Variants in ADARB2 observed in about 807,000 individuals in gnomAD.
ADARB2 encodes adenosine deaminase RNA specific B2 (inactive).
A neutral mutation model predicts 62.2 loss-of-function variants in ADARB2; 25 were observed. That is an observed-to-expected ratio of 0.40 (90% CI 0.29 to 0.56). The LOEUF (loss-of-function observed/expected upper bound fraction) is 0.56. ADARB2 is among the 20% of genes least tolerant of loss of function. The probability of loss-of-function intolerance (pLI) is 0.43; values close to 1 mark genes in which losing one functional copy is unlikely to be tolerated. For missense variants in ADARB2, 1,071 were observed against 1,077.4 expected, an observed-to-expected ratio of 0.99 and a Z score of 0.08; for synonymous variants, 572 against 500.8, an observed-to-expected ratio of 1.14 and a Z score of -1.90.
intron 7 of ADARB2, among the ~76,000 whole-genome samples, chr10:1,210,079 A>G (rs2131748432): frequency 6.6e-6 from 1 of 152,306 alleles, no homozygotes; most frequent in East Asian, 1.9e-4. Flanking sequence ...ATTGGTCCTA[A>G]AGGTGATGCC....
At chr10:1,402,097 G>A (rs1295191877) in intron 1 of ADARB2, among the ~76,000 whole-genome samples, 1 of 152,142 alleles carries the variant, frequency 6.6e-6, no homozygotes, top group Non-Finnish European at 1.5e-5. Context: ...GCTGACATCT[G>A]GGGTGTCATG....
chr10:1,624,409 C>T (rs1213656102), intron 1 of ADARB2, among the ~76,000 whole-genome samples: 1 of 152,174 alleles, frequency 6.6e-6, no homozygotes, highest in Non-Finnish European at 1.5e-5. Context: ...GGTCTCCTAC[C>T]CGTGGCTCCG....
At chr10:1,333,259 G>T (rs1831945499) in intron 3 of ADARB2, among the ~76,000 whole-genome samples, 1 of 152,118 alleles carries the variant, frequency 6.6e-6, no homozygotes, top group African/African-American at 2.4e-5. Flanking sequence ...CAATCTTTAG[G>T]CACCTAGTGA....
intron 1 of ADARB2, among the ~76,000 whole-genome samples, chr10:1,459,220 G>A (rs1455137698): frequency 1.3e-5 from 2 of 151,918 alleles, no homozygotes; most frequent in African/African-American, 2.4e-5. Context: ...AAAGACGTAC[G>A]CACGTGTATG....
intron 3 of ADARB2, among the ~76,000 whole-genome samples, chr10:1,274,250 TGGCCATGGCAGCCTGGG>T (rs1417368794): frequency 6.6e-6 from 1 of 152,340 alleles, no homozygotes; most frequent in Non-Finnish European, 1.5e-5. Flanking sequence ...GCTCAGGCAG[TGGCCATGGCAGCCTGGG>T]GGCCACATCT....
Position 1,516,513 on chromosome 10 carries a change from G to GCTGCTCTGTGCTGTGTGGGCTGCT in ADARB2, c.101-137377_101-137354dup, listed in dbSNP as rs547288987. ...GTGCTATGCGGGCTGCTCTGTGCGGGCTGCTCTGTGCTGTGTGGGCTGCTC... is the reference window on the plus strand; with the variant it reads ...GTGCTATGCGGGCTGCTCTGTGCGGGCTGCTCTGTGCTGTGTGGGCTGCTCTGCTCTGTGCTGTGTGGGCTGCTC... On this transcript the variant is annotated intron_variant, in intron 1 of 9. Transcript: ENST00000381312. 5.8e-4 allele frequency among the ~76,000 whole-genome samples: 88 copies of GCTGCTCTGTGCTGTGTGGGCTGCT among 151,874 alleles called. No individual in the cohort carries two copies. The South Asian group carries it at 0.016, about 28-fold the overall frequency.
chr10:1,445,947 C>G (rs1830963216), intron 1 of ADARB2, among the ~76,000 whole-genome samples: 1 of 152,170 alleles, frequency 6.6e-6, no homozygotes, highest in East Asian at 1.9e-4. Flanking sequence ...AAATCCGTAG[C>G]TTTTCTTTCG....
At chr10:1,508,016 C>T (rs1212025945) in intron 1 of ADARB2, among the ~76,000 whole-genome samples, 1 of 152,136 alleles carries the variant, frequency 6.6e-6, no homozygotes, top group Non-Finnish European at 1.5e-5. Context: ...ACTGTGTGAC[C>T]TTGGGGAAAC....
intron 5 of ADARB2, among the ~76,000 whole-genome samples, chr10:1,241,763 G>A (rs1369174907): frequency 6.6e-6 from 1 of 152,218 alleles, no homozygotes; most frequent in African/African-American, 2.4e-5. Flanking sequence ...CACCCCTTGG[G>A]CACTGCACTC....
chr10:1,565,010 G>A (rs1159514963), intron 1 of ADARB2, among the ~76,000 whole-genome samples: 1 of 152,170 alleles, frequency 6.6e-6, no homozygotes, highest in Non-Finnish European at 1.5e-5. Context: ...GGGGGCCGAC[G>A]TGCAGCAGCA....
chr10:1,445,657 T>C (rs1588260739), intron 1 of ADARB2, among the ~76,000 whole-genome samples: 1 of 152,276 alleles, frequency 6.6e-6, no homozygotes, highest in East Asian at 1.9e-4. Context: ...TAAAAACTTA[T>C]TTTTTAGTTG....
rs575029029 is a variant in ADARB2 at position 1,554,122 on chromosome 10, C to T, written c.101-174962G>A. Among the ~76,000 whole-genome samples the T allele has an allele frequency of 2.6e-4, 40 of 152,284 alleles. No homozygotes were observed. In the East Asian group the frequency reaches 7.8e-3, roughly 30 times the overall value. On this transcript the variant is annotated intron_variant, in intron 1 of 9. Transcript: ENST00000381312. ...GGGTCCCCCAGGCTCATCTCAGCGG[C>T]CCTATTTCTCTTTCCCCACCCATCT...
At position 1,183,271 on chromosome 10, in the gene ADARB2, G is replaced by T. The variant is rs560367404; in HGVS notation, c.2142C>A (p.Phe714Leu). The T allele has an allele frequency of 2.5e-6, 4 of 1,614,172 alleles. No homozygotes were observed. The highest frequency in any genetic ancestry group is 3.4e-6 in the Non-Finnish European group (4 of 1,180,038). The part of the protein sequence containing the change: ...HTYQSVKQQL[F>L]KAFQKAGLGT... ...CCAGGCCAGCCTTCTGAAAGGCCTT[G>T]AACAGCTGCTGTTTCACAGACTGGT... Residue 714 changes from phenylalanine (F) to leucine (L), a missense_variant, in exon 10 of 10, where the codon TTC becomes TTA. Phe to Leu is a conservative substitution (Grantham distance 22, BLOSUM62 0). Coordinates refer to ENST00000381312, the MANE Select transcript of ADARB2 (RefSeq NM_018702.4).
chr10:1,203,578 G>T (rs1361360718), intron 7 of ADARB2, among the ~76,000 whole-genome samples: 1 of 152,152 alleles, frequency 6.6e-6, no homozygotes. Context: ...GGATCATCTG[G>T]GAGCTTTGAG....
chr10:1,420,067 A>AAATTT (rs1275681226), intron 1 of ADARB2, among the ~76,000 whole-genome samples: 1 of 152,260 alleles, frequency 6.6e-6, no homozygotes, highest in Non-Finnish European at 1.5e-5. Flanking sequence ...CTGTGGCATG[A>AAATTT]AATTTAAGCA....
rs2813407 is a variant in ADARB2 at position 1,477,138 on chromosome 10, G to A, written c.101-97978C>T. Reference sequence around the variant, plus strand: ...TCTCACTCATGGCTGTGAAACTTGGGTTGCCCGATCCTGCAAACGCTGGCT... The same window carrying A: ...TCTCACTCATGGCTGTGAAACTTGGATTGCCCGATCCTGCAAACGCTGGCT... On this transcript the variant is annotated intron_variant, in intron 1 of 9. Coordinates refer to ENST00000381312, the MANE Select transcript of ADARB2 (RefSeq NM_018702.4). This position sits in a 1 kb window ranked among gnomAD's most constrained non-coding sequence, Gnocchi z 4.5. 0.28 allele frequency among the ~76,000 whole-genome samples: 41,951 copies of A among 152,036 alleles called. 6,252 individuals are homozygous for A. Among genetic ancestry groups the A allele is most frequent in the East Asian group, 0.47 (2,398 of 5,154 alleles).
In ADARB2 at chr10:1,477,223, G is replaced by C. The variant is rs151330598; in HGVS notation, c.101-98063C>G. On this transcript the variant is annotated intron_variant, in intron 1 of 9. Transcript: ENST00000381312. This position sits in a 1 kb window ranked among gnomAD's most constrained non-coding sequence, Gnocchi z 4.5. Reference sequence around the variant, plus strand: ...ACAGGAGAAGTGACTGCACTGATCAGAAGTGTGGAGTCCTGATAAGATTAG... The same window carrying C: ...ACAGGAGAAGTGACTGCACTGATCACAAGTGTGGAGTCCTGATAAGATTAG... 6.6e-6 allele frequency among the ~76,000 whole-genome samples: 1 copy of C among 152,360 alleles called. No homozygotes were observed. Among genetic ancestry groups the C allele is most frequent in the Non-Finnish European group, 1.5e-5 (1 of 68,038 alleles).
At chr10:1,619,289 T>TAAAAAAAAAAAAAAAAAAAAAAAAAAAAA (rs59098282) in intron 1 of ADARB2, among the ~76,000 whole-genome samples, 2 of 115,754 alleles carry the variant, frequency 1.7e-5, no homozygotes, top group Non-Finnish European at 1.9e-5. Flanking sequence ...ACATTGAAAG[T>TAAAAAAAAAAAAAAAAAAAAAAAAAAAAA]AAAAAAAAAA....
chr10:1,414,662 G>T (rs1388164364), intron 1 of ADARB2, among the ~76,000 whole-genome samples: 1 of 152,192 alleles, frequency 6.6e-6, no homozygotes, highest in East Asian at 1.9e-4. Flanking sequence ...AATAGCATGT[G>T]CTCCCAGAGC....
Sources: allele counts gnomAD v4.1 joint callset (sites outside exome capture counted in the v4.1 genomes callset), GRCh38; gene constraint gnomAD v4.1.1; non-coding constraint Gnocchi (gnomAD v3.1); transcripts MANE v1.5; gene names NCBI Gene and HGNC (gene_info 2026-07-23, HGNC 2026-07-21).